The following PLCB1 variants were observed in gnomAD, a reference collection of about 807,000 sequenced individuals.
The protein encoded by PLCB1 is phospholipase C beta 1.
In PLCB1, 46 loss-of-function variants were observed where a neutral mutation model predicts 161.8. The observed-to-expected ratio is 0.28, with a 90% CI of 0.22 to 0.36. The LOEUF (loss-of-function observed/expected upper bound fraction) is 0.36. Among genes scored for constraint, PLCB1 ranks in the 10% least tolerant of loss-of-function variants. The probability of loss-of-function intolerance (pLI) is 1.00; values close to 1 mark genes in which losing one functional copy is unlikely to be tolerated. For missense variants in PLCB1, 1,016 were observed against 1,472.5 expected (o/e 0.69, Z 5.07); for synonymous variants, 517 against 503.7 (o/e 1.03, Z -0.35).
At chr20:8,690,501 A>G (rs1474077867) in intron 10 of PLCB1, among the ~76,000 whole-genome samples, 2 of 152,152 alleles carry the variant, frequency 1.3e-5, no homozygotes, top group Admixed American at 6.5e-5. Flanking sequence ...TTGGACTGAG[A>G]CAGTCCCTGG....
At chr20:8,717,914 T>C (rs2123469196) in intron 14 of PLCB1, 66 bp downstream of exon 14, 1 of 1,460,084 alleles carries the variant, frequency 6.8e-7, no homozygotes, top group Non-Finnish European at 9.2e-7. Context: ...CTCTGGGCTG[T>C]GCGTGGTGGC....
At chr20:8,639,204 A>C (rs1341000049) in intron 4 of PLCB1, among the ~76,000 whole-genome samples, 1 of 152,212 alleles carries the variant, frequency 6.6e-6, no homozygotes, top group Non-Finnish European at 1.5e-5. Context: ...TCATAGGGTC[A>C]TGATGGAGGG....
intron 2 of PLCB1, among the ~76,000 whole-genome samples, chr20:8,183,507 C>T (rs2051869205): frequency 6.6e-6 from 1 of 152,108 alleles, no homozygotes; most frequent in East Asian, 1.9e-4. Flanking sequence ...TATTCTAATG[C>T]CATGCCAGTC....
chr20:8,508,660 A>G (rs934235295), intron 3 of PLCB1, among the ~76,000 whole-genome samples: 4 of 152,208 alleles, frequency 2.6e-5, no homozygotes, highest in Non-Finnish European at 4.4e-5. Context: ...GAATGTGCAT[A>G]TGTCAGTTCT....
At chr20:8,719,709 T>C (rs949091970) in intron 14 of PLCB1, among the ~76,000 whole-genome samples, 19 of 152,206 alleles carry the variant, frequency 1.2e-4, no homozygotes, top group Admixed American at 8.5e-4. Context: ...ATTTTGTTTC[T>C]TGATCTGGAT....
intron 2 of PLCB1, among the ~76,000 whole-genome samples, chr20:8,291,916 G>A (rs1983401054): frequency 6.6e-6 from 1 of 152,136 alleles, no homozygotes; most frequent in Admixed American, 6.6e-5. Flanking sequence ...TCCTATCCCA[G>A]ATGGCTTTTG....
intron 3 of PLCB1, among the ~76,000 whole-genome samples, chr20:8,415,320 T>G (rs992923901): frequency 2.6e-5 from 4 of 152,186 alleles, no homozygotes; most frequent in Admixed American, 2.6e-4. Context: ...GTAAAAGAAG[T>G]CTTGACACCT....
chr20:8,683,146 G>A (rs560352589), intron 9 of PLCB1, among the ~76,000 whole-genome samples: 10 of 151,470 alleles, frequency 6.6e-5, no homozygotes, highest in African/African-American at 2.2e-4. Flanking sequence ...TAATACAAAG[G>A]TTACTAAATT....
At chr20:8,357,103 A>G (rs1399418748) in intron 2 of PLCB1, among the ~76,000 whole-genome samples, 1 of 152,236 alleles carries the variant, frequency 6.6e-6, no homozygotes, top group Non-Finnish European at 1.5e-5. Flanking sequence ...TTAAGGATTT[A>G]TGAATTATTT....
chr20:8,697,639 T>C lies in PLCB1; in HGVS notation c.1023T>C (p.Ala341=). Residue 341 remains alanine (A), a synonymous_variant, in exon 11 of 32, where the codon GCT becomes GCC. Coordinates refer to ENST00000338037, the MANE Select transcript of PLCB1 (RefSeq NM_015192.4). ...HNTYLTAGQL[A]GNSSVEMYRQ... is the part of the protein sequence containing the mutation. ...GGTGTTTTATAGCTGGCCAACTGGC[T>C]GGAAACTCCTCTGTTGAGATGTATC... 1 of 1,614,178 alleles carries C rather than the reference T, an allele frequency of 6.2e-7. No individual in the cohort carries two copies. Among genetic ancestry groups the C allele is most frequent in the Non-Finnish European group, 8.5e-7 (1 of 1,180,004 alleles).
At chr20:8,296,105 A>G (rs1327828814) in intron 2 of PLCB1, among the ~76,000 whole-genome samples, 3 of 152,164 alleles carry the variant, frequency 2.0e-5, no homozygotes, top group Non-Finnish European at 4.4e-5. Context: ...AATTATTTTC[A>G]TGTTAAGACC....
At position 8,636,547 on chromosome 20, in the gene PLCB1, C is replaced by CAT. The variant is rs568037607; in HGVS notation, c.384+8116_384+8117insAT. On this transcript the variant is annotated intron_variant, in intron 4 of 31. Transcript: ENST00000338037. ...GCTCATAAGTCAAAAGAAAGACATT[C>CAT]GTATTAAAAAGATTTTTATTAAAAA... Among the ~76,000 whole-genome samples, 17 of 152,252 alleles carry CAT rather than the reference C, an allele frequency of 1.1e-4. No individual in the cohort carries two copies. In the East Asian group the frequency reaches 3.1e-3, roughly 28 times the overall value.
chr20:8,877,277 A>G (rs1339452527), intron 31 of PLCB1, among the ~76,000 whole-genome samples: 1 of 152,214 alleles, frequency 6.6e-6, no homozygotes, highest in Non-Finnish European at 1.5e-5. Context: ...GGAAGAATCT[A>G]AACTGGAATT....
At chr20:8,483,761 G>A (rs1476571179) in intron 3 of PLCB1, among the ~76,000 whole-genome samples, 1 of 152,130 alleles carries the variant, frequency 6.6e-6, no homozygotes, top group Non-Finnish European at 1.5e-5. Flanking sequence ...TGCAAATGAA[G>A]ACTAGTATCC....
At chr20:8,238,803 C>A (rs1411347037) in intron 2 of PLCB1, among the ~76,000 whole-genome samples, 1 of 151,460 alleles carries the variant, frequency 6.6e-6, no homozygotes, top group Non-Finnish European at 1.5e-5. Context: ...AGCCACTGGG[C>A]CTAAAAGTAT....
chr20:8,644,250 C>T (rs1263767555), intron 4 of PLCB1, among the ~76,000 whole-genome samples: 1 of 152,032 alleles, frequency 6.6e-6, no homozygotes, highest in Non-Finnish European at 1.5e-5. Flanking sequence ...CTCTGCCTGG[C>T]CGCCCATCGT....
chr20:8,879,705 T>G (rs981735030), intron 31 of PLCB1, among the ~76,000 whole-genome samples: 1 of 152,070 alleles, frequency 6.6e-6, no homozygotes, highest in Non-Finnish European at 1.5e-5. Flanking sequence ...ATGGCAAAAT[T>G]TATCTGTCAC....
intron 2 of PLCB1, among the ~76,000 whole-genome samples, chr20:8,299,215 C>T (rs1449525705): frequency 1.3e-5 from 2 of 152,128 alleles, no homozygotes; most frequent in African/African-American, 4.8e-5. Context: ...TTTAGACTCT[C>T]TTAGTCTGTT....
chr20:8,396,921 G>C (rs1477461011), intron 3 of PLCB1, among the ~76,000 whole-genome samples: 1 of 151,996 alleles, frequency 6.6e-6, no homozygotes, highest in Non-Finnish European at 1.5e-5. Context: ...CTTTTGAGTA[G>C]ACAATTTCTG....
Sources: allele counts gnomAD v4.1 joint callset (sites outside exome capture counted in the v4.1 genomes callset), GRCh38; gene constraint gnomAD v4.1.1; transcripts MANE v1.5; gene names NCBI Gene and HGNC (gene_info 2026-07-23, HGNC 2026-07-21).